Variants in MYO6 observed in about 807,000 individuals in gnomAD.
The protein encoded by MYO6 is unconventional myosin-VI.
A neutral mutation model predicts 178.7 loss-of-function variants in MYO6; 74 were observed. The ratio of observed to expected loss-of-function variants is 0.41; its 90% CI spans 0.34 to 0.50. MYO6 has a LOEUF of 0.50. Ranked by LOEUF, MYO6 falls within the 20% of genes least tolerant of loss-of-function variation. The probability of loss-of-function intolerance (pLI) is 0.09; values close to 1 mark genes in which losing one functional copy is unlikely to be tolerated. For missense variants in MYO6, 1,330 were observed against 1,547.4 expected, an observed-to-expected ratio of 0.86 and a Z score of 2.36; for synonymous variants, 477 against 504.6, an observed-to-expected ratio of 0.95 and a Z score of 0.73.
chr6:75,843,746 A>G (rs1264513122), intron 9 of MYO6, among the ~76,000 whole-genome samples: 3 of 150,814 alleles, frequency 2.0e-5, no homozygotes, highest in African/African-American at 7.3e-5. Flanking sequence ...TTTTTTCCCA[A>G]AGATTCTAGG....
intron 10 of MYO6, among the ~76,000 whole-genome samples, chr6:75,847,364 C>A (rs1305533637): frequency 2.6e-5 from 4 of 152,066 alleles, no homozygotes; most frequent in African/African-American, 9.7e-5. Context: ...ATATCCATCT[C>A]CAGGAGGCAT....
At chr6:75,900,127 A>G (rs1298665310) in intron 30 of MYO6, among the ~76,000 whole-genome samples, 67 of 151,672 alleles carry the variant, frequency 4.4e-4, no homozygotes, top group African/African-American at 8.5e-4. Flanking sequence ...TCTTAATCCA[A>G]TCTATCATTG....
intron 1 of MYO6, among the ~76,000 whole-genome samples, chr6:75,787,367 A>T (rs1767673869): frequency 6.6e-6 from 1 of 152,176 alleles, no homozygotes; most frequent in Admixed American, 6.5e-5. Context: ...TCAACAGATA[A>T]GCAAATAACC....
intron 25 of MYO6, among the ~76,000 whole-genome samples, chr6:75,887,655 T>A (rs1475443020): frequency 2.0e-3 from 122 of 61,944 alleles, no homozygotes; most frequent in Admixed American, 9.5e-3. Flanking sequence ...AAAAAAAAAA[T>A]GAAAAAAGAA....
chr6:75,807,450 A>G (rs1288765593), intron 1 of MYO6, among the ~76,000 whole-genome samples: 1 of 152,070 alleles, frequency 6.6e-6, no homozygotes, highest in Non-Finnish European at 1.5e-5. Context: ...GGGAGTGGGC[A>G]TGTGGAGGGA....
chr6:75,776,516 T>C (rs140139152), intron 1 of MYO6, among the ~76,000 whole-genome samples: 5 of 152,344 alleles, frequency 3.3e-5, no homozygotes, highest in Non-Finnish European at 5.9e-5. Flanking sequence ...GAAATCAAAA[T>C]AATACAGCGG....
rs935890656 is a variant in MYO6, at chr6:75,755,110, A to G, written c.-48+5687A>G. On this transcript the variant is annotated intron_variant, in intron 1 of 34. Coordinates refer to ENST00000369977, the MANE Select transcript of MYO6 (RefSeq NM_004999.4). The stretch of plus-strand genomic sequence containing the variant: ...TAGCTGGGTGTGGTGGTGCACGCCT[A>G]TAGTGCTAGCTGTGTAGGAGGCTGA... Among the ~76,000 whole-genome samples the G allele has an allele frequency of 5.0e-4, 76 of 152,030 alleles. 1 individual carries two copies. Among genetic ancestry groups the G allele is most frequent in the South Asian group, 8.3e-4 (4 of 4,818 alleles).
chr6:75,829,930 C>A (rs1772905690), intron 4 of MYO6, among the ~76,000 whole-genome samples: 1 of 152,122 alleles, frequency 6.6e-6, no homozygotes, highest in African/African-American at 2.4e-5. Context: ...CCAGAAGGTG[C>A]TACGAGCTGT....
chr6:75,845,078 CT>C, intron 10 of MYO6, 101 bp downstream of exon 10: 1 of 927,282 alleles, frequency 1.1e-6, no homozygotes, highest in Non-Finnish European at 1.7e-6. Flanking sequence ...AGAGTTCTAA[CT>C]TTTAGGCTTA....
chr6:75,854,771 T>C (rs1207440663), intron 11 of MYO6, among the ~76,000 whole-genome samples: 1 of 152,178 alleles, frequency 6.6e-6, no homozygotes, highest in East Asian at 1.9e-4. Flanking sequence ...CTCCTTGAAA[T>C]TTCTTGAAGT....
At chr6:75,861,337 A>T (rs966809410) in intron 15 of MYO6, among the ~76,000 whole-genome samples, 2 of 152,142 alleles carry the variant, frequency 1.3e-5, no homozygotes, top group African/African-American at 4.8e-5. Flanking sequence ...TCCTATTTAA[A>T]TAGTTAGCAT....
chr6:75,898,761 G>C (rs1169461919), intron 30 of MYO6, among the ~76,000 whole-genome samples: 1 of 152,052 alleles, frequency 6.6e-6, no homozygotes, highest in Non-Finnish European at 1.5e-5. Context: ...CTCTCCCTGG[G>C]GTGGTGCTGC....
At chr6:75,766,836 C>G (rs1778461108) in intron 1 of MYO6, among the ~76,000 whole-genome samples, 1 of 152,140 alleles carries the variant, frequency 6.6e-6, no homozygotes, top group Non-Finnish European at 1.5e-5. Flanking sequence ...TCTGGGCTTA[C>G]CTATGTTCTC....
At chr6:75,868,156 A>G (rs1241076735) in intron 18 of MYO6, among the ~76,000 whole-genome samples, 3 of 152,068 alleles carry the variant, frequency 2.0e-5, no homozygotes, top group Non-Finnish European at 1.5e-5. Flanking sequence ...AACTAAATTG[A>G]TAAAATATTT....
chr6:75,898,546 C>CAGA, intron 30 of MYO6, 135 bp downstream of exon 30: 7 of 747,516 alleles, frequency 9.4e-6, no homozygotes, highest in South Asian at 1.7e-5. Context: ...TCTTTCTGTA[C>CAGA]AAGAAATATC....
rs755429845 is a variant in MYO6 at position 75,766,860 on chromosome 6, G to A, written c.-48+17437G>A. Among the ~76,000 whole-genome samples the A allele has an allele frequency of 1.1e-4, 17 of 152,244 alleles. No individual in the cohort carries two copies. The South Asian group carries it at 1.2e-3, about 11-fold the overall frequency. On this transcript the variant is annotated intron_variant, in intron 1 of 34. Transcript: ENST00000369977. The stretch of plus-strand genomic sequence containing the variant: ...ACCTATGTTCTCCTCTGAATTTGCT[G>A]TTCATTTTACCTTCTATACATCATT...
At chr6:75,813,177 C>G (rs1425869991) in intron 1 of MYO6, among the ~76,000 whole-genome samples, 1 of 152,138 alleles carries the variant, frequency 6.6e-6, no homozygotes, top group East Asian at 1.9e-4. Flanking sequence ...GAGGCAGGGC[C>G]TGGAATCAAG....
chr6:75,791,532 C>T (rs910727729), intron 1 of MYO6, among the ~76,000 whole-genome samples: 1 of 151,906 alleles, frequency 6.6e-6, no homozygotes, highest in African/African-American at 2.4e-5. Flanking sequence ...TTAAAAAAAT[C>T]GAGACTTAAA....
At chr6:75,872,687 C>G (rs571255841) in intron 19 of MYO6, among the ~76,000 whole-genome samples, 1 of 152,090 alleles carries the variant, frequency 6.6e-6, no homozygotes, top group South Asian at 2.1e-4. Flanking sequence ...TTTTGACATT[C>G]AAATCTAAAA....
Sources: allele counts gnomAD v4.1 joint callset (sites outside exome capture counted in the v4.1 genomes callset), GRCh38; gene constraint gnomAD v4.1.1; transcripts MANE v1.5; gene names NCBI Gene and HGNC (gene_info 2026-07-23, HGNC 2026-07-21).